Variants in GRM7 observed in about 807,000 individuals in gnomAD.
The protein encoded by GRM7 is metabotropic glutamate receptor 7.
In GRM7, 35 loss-of-function variants were observed where a neutral mutation model predicts 84.5. That is an observed-to-expected ratio of 0.41 (90% CI 0.32 to 0.55). The LOEUF (loss-of-function observed/expected upper bound fraction) is 0.55, where lower values mean the gene tolerates loss of function less well. GRM7 is among the 20% of genes least tolerant of loss of function. GRM7 has a pLI of 0.19. For synonymous variants in GRM7, 487 were observed against 455.1 expected, an observed-to-expected ratio of 1.07 and a Z score of -0.89; for missense variants, 1,003 against 1,194.6, an observed-to-expected ratio of 0.84 and a Z score of 2.36.
intron 8 of GRM7, among the ~76,000 whole-genome samples, chr3:7,606,332 T>C (rs1411943455): frequency 6.6e-6 from 1 of 152,166 alleles, no homozygotes; most frequent in African/African-American, 2.4e-5. Flanking sequence ...AAGATAGTTT[T>C]AGGTGTAACA....
At chr3:7,292,160 G>A (rs994085381) in intron 2 of GRM7, among the ~76,000 whole-genome samples, 7 of 152,044 alleles carry the variant, frequency 4.6e-5, no homozygotes, top group Non-Finnish European at 1.0e-4. Context: ...AATACAGGAG[G>A]GTTGGACAGT....
intron 8 of GRM7, among the ~76,000 whole-genome samples, chr3:7,608,602 A>G (rs945713082): frequency 6.6e-6 from 1 of 151,890 alleles, no homozygotes; most frequent in African/African-American, 2.4e-5. Flanking sequence ...TCCTTGTAGG[A>G]GCTGGATATT....
At chr3:7,465,225 G>A (rs931234425) in intron 7 of GRM7, among the ~76,000 whole-genome samples, 2 of 152,090 alleles carry the variant, frequency 1.3e-5, no homozygotes, top group Admixed American at 6.6e-5. Flanking sequence ...GCACGCTCAG[G>A]TGGATGCAGT....
Position 7,560,676 on chromosome 3 carries a change from C to T in GRM7, c.1516-17746C>T, listed in dbSNP as rs1693978584. Among the ~76,000 whole-genome samples, 2 of 152,062 alleles carry T rather than the reference C, an allele frequency of 1.3e-5. 1 individual carries two copies. Among genetic ancestry groups the T allele is most frequent in the Admixed American group, 1.3e-4 (2 of 15,262 alleles). ...ACTGTTCTAATACCTGGAGCTTTTCCTGCTTCAGGATCTTTGCATACATGC... is the reference window on the plus strand; with the variant it reads ...ACTGTTCTAATACCTGGAGCTTTTCTTGCTTCAGGATCTTTGCATACATGC... On this transcript the variant is annotated intron_variant, in intron 7 of 9. Transcript: ENST00000357716.
At chr3:7,138,325 T>G (rs1228961831) in intron 1 of GRM7, among the ~76,000 whole-genome samples, 1 of 151,958 alleles carries the variant, frequency 6.6e-6, no homozygotes, top group East Asian at 1.9e-4. Context: ...TTTTTATCAC[T>G]GAGAGCTAAG....
At chr3:6,879,506 GT>G (rs1288978065) in intron 1 of GRM7, among the ~76,000 whole-genome samples, 1 of 152,282 alleles carries the variant, frequency 6.6e-6, no homozygotes, top group East Asian at 1.9e-4. Context: ...ATATACAGGG[GT>G]AAAATGTTGT....
chr3:7,009,835 G>C (rs979483047), intron 1 of GRM7, among the ~76,000 whole-genome samples: 8 of 152,126 alleles, frequency 5.3e-5, no homozygotes, highest in African/African-American at 7.2e-5. Flanking sequence ...GGGAATCTGA[G>C]AAACCCCTGA....
At chr3:7,093,099 A>C (rs1045753752) in intron 1 of GRM7, among the ~76,000 whole-genome samples, 1 of 152,120 alleles carries the variant, frequency 6.6e-6, no homozygotes, top group Non-Finnish European at 1.5e-5. Flanking sequence ...CGACAACAAC[A>C]ATAAAAAGGA....
intron 5 of GRM7, among the ~76,000 whole-genome samples, chr3:7,428,145 T>A (rs1169760499): frequency 6.6e-6 from 1 of 152,192 alleles, no homozygotes; most frequent in African/African-American, 2.4e-5. Flanking sequence ...TACCATTGTT[T>A]CTAAAAGGAG....
intron 5 of GRM7, among the ~76,000 whole-genome samples, chr3:7,436,076 A>G (rs2124860531): frequency 6.6e-6 from 1 of 151,450 alleles, no homozygotes; most frequent in African/African-American, 2.4e-5. Flanking sequence ...CAAACTCCTG[A>G]GCTCAGGTGA....
chr3:7,040,357 C>G (rs1258919352), intron 1 of GRM7, among the ~76,000 whole-genome samples: 1 of 151,736 alleles, frequency 6.6e-6, no homozygotes, highest in Non-Finnish European at 1.5e-5. Context: ...GGCTGGGGTG[C>G]AGTGGCACGA....
chr3:7,413,049 C>G (rs1024495189), intron 4 of GRM7, among the ~76,000 whole-genome samples: 1 of 151,986 alleles, frequency 6.6e-6, no homozygotes, highest in African/African-American at 2.4e-5. Flanking sequence ...TGCTTCTACC[C>G]CTGACTTTCC....
chr3:7,635,857 A>T (rs958576603), intron 8 of GRM7, among the ~76,000 whole-genome samples: 1 of 151,862 alleles, frequency 6.6e-6, no homozygotes, highest in African/African-American at 2.4e-5. Flanking sequence ...AGAATATTTT[A>T]TACAGATAGG....
chr3:7,265,019 C>T (rs565685515), intron 2 of GRM7, among the ~76,000 whole-genome samples: 73 of 152,336 alleles, frequency 4.8e-4, no homozygotes, highest in African/African-American at 1.7e-3. Flanking sequence ...AACAGATATT[C>T]AAAGTTACAT....
At chr3:7,157,085 G>A (rs890768278) in intron 2 of GRM7, among the ~76,000 whole-genome samples, 4 of 152,102 alleles carry the variant, frequency 2.6e-5, no homozygotes, top group African/African-American at 9.7e-5. Context: ...AGCAGCAGAA[G>A]ATGACAGACT....
At chr3:7,691,313 A>C in intron 9 of GRM7, 1 of 1,235,028 alleles carries the variant, frequency 8.1e-7, no homozygotes, top group Non-Finnish European at 1.1e-6. Context: ...GACATGGATC[A>C]GCAACTCCAT....
At chr3:6,907,658 A>G (rs753618343) in intron 1 of GRM7, among the ~76,000 whole-genome samples, 13 of 152,168 alleles carry the variant, frequency 8.5e-5, no homozygotes, top group Admixed American at 4.6e-4. Context: ...TAGAAAGAAG[A>G]ATGAAAAGAA....
intron 2 of GRM7, among the ~76,000 whole-genome samples, chr3:7,249,995 G>A (rs1016509007): frequency 2.6e-5 from 4 of 152,174 alleles, no homozygotes; most frequent in African/African-American, 9.7e-5. Flanking sequence ...GAGGACATGG[G>A]CATCCTTATG....
At chr3:7,199,779 C>T (rs779112749) in intron 2 of GRM7, among the ~76,000 whole-genome samples, 1 of 152,034 alleles carries the variant, frequency 6.6e-6, no homozygotes, top group Non-Finnish European at 1.5e-5. Flanking sequence ...TAGGTGGTAC[C>T]CAATAATTTT....
Sources: allele counts gnomAD v4.1 joint callset (sites outside exome capture counted in the v4.1 genomes callset), GRCh38; gene constraint gnomAD v4.1.1; transcripts MANE v1.5; gene names NCBI Gene and HGNC (gene_info 2026-07-23, HGNC 2026-07-21).